MAP2K5: variants seen among roughly 807,000 people sequenced by gnomAD.
MAP2K5 encodes dual specificity mitogen-activated protein kinase kinase 5.
In MAP2K5, 49 loss-of-function variants were observed where a neutral mutation model predicts 83.1. The observed-to-expected ratio is 0.59, with a 90% CI of 0.47 to 0.75. The LOEUF is 0.75. Ranked by LOEUF, MAP2K5 falls within the 30% of genes least tolerant of loss-of-function variation. The probability of loss-of-function intolerance (pLI) is 0.00; values close to 1 mark genes in which losing one functional copy is unlikely to be tolerated. For missense variants in MAP2K5, 457 were observed against 557.5 expected, an observed-to-expected ratio of 0.82 and a Z score of 1.82; for synonymous variants, 202 against 191.8, an observed-to-expected ratio of 1.05 and a Z score of -0.44.
At chr15:67,544,732 G>A (rs1427934593) in intron 1 of MAP2K5, among the ~76,000 whole-genome samples, 6 of 152,178 alleles carry the variant, frequency 3.9e-5, no homozygotes, top group Admixed American at 3.9e-4. Context: ...GCAGGATCTT[G>A]GGAAGAGGAA....
chr15:67,715,740 A>C (rs910221936), intron 16 of MAP2K5, among the ~76,000 whole-genome samples: 3 of 152,254 alleles, frequency 2.0e-5, no homozygotes, highest in African/African-American at 7.2e-5. Flanking sequence ...TCAGTGGAGA[A>C]GCAGCAAGCT....
chr15:67,702,459 G>A lies in MAP2K5; in HGVS notation c.973-878G>A, dbSNP rs915165370. Among the ~76,000 whole-genome samples the A allele has an allele frequency of 2.6e-5, 4 of 152,136 alleles. No individual in the cohort carries two copies. Among genetic ancestry groups the A allele is most frequent in the African/African-American group, 9.7e-5 (4 of 41,408 alleles). On this transcript the variant is annotated intron_variant, in intron 15 of 21. Transcript: ENST00000178640. The surrounding 1 kb of genome is among the most constrained non-coding windows in gnomAD (Gnocchi z 4.6). ...GGGTGTAAGTTATGATCTCAGCCTTGCCATGATTAGCCTGTAACCTTTAGC... is the reference window on the plus strand; with the variant it reads ...GGGTGTAAGTTATGATCTCAGCCTTACCATGATTAGCCTGTAACCTTTAGC...
At chr15:67,682,082 G>T (rs888726410) in intron 13 of MAP2K5, among the ~76,000 whole-genome samples, 1 of 152,060 alleles carries the variant, frequency 6.6e-6, no homozygotes, top group Non-Finnish European at 1.5e-5. Flanking sequence ...ACTTGATATT[G>T]CATTAAAATA....
intron 3 of MAP2K5, among the ~76,000 whole-genome samples, chr15:67,574,695 C>T (rs190886200): frequency 8.5e-4 from 129 of 151,712 alleles, no homozygotes; most frequent in Non-Finnish European, 1.5e-3. Context: ...GGGGAAACCC[C>T]GTCTCTACTA....
rs2589985 is a variant in MAP2K5, at chr15:67,552,752, A to G, written c.184+2670A>G. Among the ~76,000 whole-genome samples the G allele has an allele frequency of 0.29, 44,723 of 152,020 alleles. 7,045 individuals are homozygous for G. Among genetic ancestry groups the G allele is most frequent in the East Asian group, 0.41 (2,138 of 5,176 alleles). ...GTACCCACGAAGTACTTAAAAGGAC[A>G]TTATTAGCTCTGTTTTTTGGTTGAG... is the stretch of plus-strand genomic sequence containing the variant. On this transcript the variant is annotated intron_variant, in intron 2 of 21. Transcript: ENST00000178640. This position sits in a 1 kb window ranked among gnomAD's most constrained non-coding sequence, Gnocchi z 4.2.
At chr15:67,803,312 A>G (rs1462058038) in intron 21 of MAP2K5, among the ~76,000 whole-genome samples, 1 of 152,232 alleles carries the variant, frequency 6.6e-6, no homozygotes, top group Non-Finnish European at 1.5e-5. Context: ...GGCCTTGCCA[A>G]GATGCCTAGG....
At chr15:67,662,917 C>T (rs1430755509) in intron 12 of MAP2K5, among the ~76,000 whole-genome samples, 2 of 152,098 alleles carry the variant, frequency 1.3e-5, no homozygotes, top group East Asian at 3.8e-4. Flanking sequence ...TTCTTTCCTG[C>T]CCCAATATAC....
chr15:67,765,962 T>G (rs2090034343), intron 19 of MAP2K5, among the ~76,000 whole-genome samples: 1 of 152,224 alleles, frequency 6.6e-6, no homozygotes, highest in South Asian at 2.1e-4. Context: ...CTTGAACCGT[T>G]CATTATTCAC....
chr15:67,723,602 T>C (rs1012483967), intron 16 of MAP2K5, among the ~76,000 whole-genome samples: 1 of 152,194 alleles, frequency 6.6e-6, no homozygotes, highest in Admixed American at 6.6e-5. Flanking sequence ...GAATCCCTTA[T>C]CTCTACCTCC....
chr15:67,631,061 G>GCTCT, intron 9 of MAP2K5, 134 bp downstream of exon 9: 1 of 649,656 alleles, frequency 1.5e-6, no homozygotes, highest in Non-Finnish European at 2.7e-6. Context: ...GGAAGCTGTG[G>GCTCT]CTCTCTGGTG....
At chr15:67,682,185 G>GA (rs1269519542) in intron 13 of MAP2K5, among the ~76,000 whole-genome samples, 16 of 147,670 alleles carry the variant, frequency 1.1e-4, no homozygotes, top group South Asian at 6.4e-4. Flanking sequence ...AAACAAACAA[G>GA]AAAAAAAAAT....
Position 67,785,626 on chromosome 15 carries a change from A to T in MAP2K5, c.1242+12874A>T, listed in dbSNP as rs945954390. ...AGACAACCCACAGATGTCCACACCA[A>T]CACAGGTGCTGGAGGTGTGGAGGCA... On this transcript the variant is annotated intron_variant, in intron 21 of 21. Transcript: ENST00000178640. The surrounding 1 kb of genome is among the most constrained non-coding windows in gnomAD (Gnocchi z 4.4). Among the ~76,000 whole-genome samples the T allele has an allele frequency of 5.3e-5, 8 of 152,204 alleles. No individual in the cohort carries two copies. Among genetic ancestry groups the T allele is most frequent in the Non-Finnish European group, 5.9e-5 (4 of 68,038 alleles).
intron 11 of MAP2K5, among the ~76,000 whole-genome samples, chr15:67,653,183 G>A (rs950869930): frequency 1.3e-5 from 2 of 151,970 alleles, no homozygotes; most frequent in African/African-American, 4.8e-5. Flanking sequence ...TGCAAAGTTG[G>A]TAGTAATGTT....
chr15:67,561,983 G>C lies in MAP2K5; in HGVS notation c.185-1300G>C, dbSNP rs775864656. On this transcript the variant is annotated intron_variant, in intron 2 of 21. Transcript: ENST00000178640. The surrounding 1 kb of genome is among the most constrained non-coding windows in gnomAD (Gnocchi z 4.2). ...TGTTGGGCAAGCTTATTCTCTTCAT[G>C]ATGAGAGATTTGTCTGAGGTTCTCC... Among the ~76,000 whole-genome samples, 2 of 152,216 alleles carry C rather than the reference G, an allele frequency of 1.3e-5. No individual in the cohort carries two copies. Among genetic ancestry groups the C allele is most frequent in the Non-Finnish European group, 2.9e-5 (2 of 68,046 alleles).
At chr15:67,681,199 A>G (rs2087808029) in intron 13 of MAP2K5, among the ~76,000 whole-genome samples, 1 of 152,224 alleles carries the variant, frequency 6.6e-6, no homozygotes, top group East Asian at 1.9e-4. Context: ...AAGATATCAG[A>G]TATCAGGATA....
At chr15:67,670,421 A>G in intron 13 of MAP2K5, 1 of 455,808 alleles carries the variant, frequency 2.2e-6, no homozygotes, top group East Asian at 6.9e-5. Context: ...GTTTTTTAGC[A>G]AACAAAGACC....
chr15:67,611,816 A>T (rs1205971184), intron 8 of MAP2K5, among the ~76,000 whole-genome samples: 1 of 152,178 alleles, frequency 6.6e-6, no homozygotes, highest in African/African-American at 2.4e-5. Flanking sequence ...AACAGAATAT[A>T]TGCAAACCTA....
chr15:67,693,721 TCTA>T (rs2088173950), intron 15 of MAP2K5, among the ~76,000 whole-genome samples, 153 bp downstream of exon 15: 1 of 152,210 alleles, frequency 6.6e-6, no homozygotes, highest in African/African-American at 2.4e-5. Flanking sequence ...TTTAAATCTT[TCTA>T]AAAGACATTA....
chr15:67,734,265 A>G (rs1212894123), intron 17 of MAP2K5, among the ~76,000 whole-genome samples: 3 of 152,180 alleles, frequency 2.0e-5, no homozygotes, highest in African/African-American at 7.2e-5. Flanking sequence ...TATGCAATCC[A>G]TATTATTGAC....
Sources: gnomAD v4.1 joint callset for allele counts (sites outside exome capture counted in the v4.1 genomes callset) on GRCh38, gnomAD v4.1.1 for gene constraint, Gnocchi (gnomAD v3.1) non-coding constraint, MANE v1.5 for transcripts, NCBI Gene and HGNC (gene_info 2026-07-23, HGNC 2026-07-21) for gene names.